Variants in HTR2C observed in about 807,000 individuals in gnomAD.
The protein encoded by HTR2C is 5-hydroxytryptamine (serotonin) receptor 2C, G protein-coupled.
Under a neutral mutation model 21.0 loss-of-function variants are expected in HTR2C, and 5 were observed. The observed-to-expected ratio is 0.24, with a 90% CI of 0.12 to 0.50. The LOEUF is 0.50. HTR2C is among the 20% of genes least tolerant of loss of function. The pLI is 0.98. For synonymous variants in HTR2C, 150 were observed against 145.3 expected (o/e 1.03, Z -0.23); for missense variants, 271 against 371.2 (o/e 0.73, Z 2.22).
chrX:114,803,272 G>T (rs1271119497), intron 4 of HTR2C, among the ~76,000 whole-genome samples: 1 of 51,076 alleles, frequency 2.0e-5, no homozygotes, highest in African/African-American at 5.5e-5. Context: ...GGGTCAAATG[G>T]CATTTCTAGT....
At chrX:114,610,637 G>C (rs1928684962) in intron 1 of HTR2C, among the ~76,000 whole-genome samples, 1 of 111,452 alleles carries the variant, frequency 9.0e-6, no homozygotes, top group Non-Finnish European at 1.9e-5. Context: ...TGTACGGCAA[G>C]GTTATGGTCA....
chrX:114,601,476 G>A (rs1363095293), intron 1 of HTR2C, among the ~76,000 whole-genome samples: 4 of 106,763 alleles, frequency 3.7e-5, no homozygotes, highest in Non-Finnish European at 3.9e-5. Context: ...AGTGGGGGTC[G>A]CAAGGTGCTC....
At chrX:114,893,842 A>G (rs782232804) in intron 5 of HTR2C, among the ~76,000 whole-genome samples, 1 of 112,391 alleles carries the variant, frequency 8.9e-6, no homozygotes, top group East Asian at 2.8e-4. Context: ...GCTCTTAAAA[A>G]TAAGTCAAAC....
At chrX:114,726,609 A>G (rs180893968) in intron 2 of HTR2C, among the ~76,000 whole-genome samples, 165 of 112,567 alleles carry the variant, frequency 1.5e-3, no homozygotes, top group Non-Finnish European at 2.3e-3. Flanking sequence ...AAGAGGGGGA[A>G]ATTTGGTATA....
At chrX:114,606,948 A>G (rs1928474906) in intron 1 of HTR2C, among the ~76,000 whole-genome samples, 1 of 108,823 alleles carries the variant, frequency 9.2e-6, no homozygotes, top group Non-Finnish European at 1.9e-5. Flanking sequence ...AGGTAAAGGA[A>G]AATTACAGTC....
Position 114,637,954 on chromosome X carries a change from C to CT in HTR2C, c.-80+24079dup, listed in dbSNP as rs1335339444. ...GAGACCTACAAGATGGTGGGTATGT[C>CT]TTTTTTCCCTGAGGAGCTATGAAAC... is the stretch of plus-strand genomic sequence containing the variant. On this transcript the variant is annotated intron_variant, in intron 2 of 5. Transcript: ENST00000276198. Among the ~76,000 whole-genome samples the CT allele has an allele frequency of 3.6e-5, 4 of 111,282 alleles. No homozygotes were observed. In the East Asian group the frequency reaches 1.1e-3, roughly 31 times the overall value.
At chrX:114,876,079 C>T (rs782047407) in intron 5 of HTR2C, among the ~76,000 whole-genome samples, 2 of 110,190 alleles carry the variant, frequency 1.8e-5, no homozygotes, top group Non-Finnish European at 3.8e-5. Context: ...ACTCCAATGT[C>T]TTTTGTCAAT....
intron 2 of HTR2C, among the ~76,000 whole-genome samples, chrX:114,672,488 G>A (rs782301713): frequency 8.9e-6 from 1 of 111,977 alleles, no homozygotes; most frequent in Non-Finnish European, 1.9e-5. Context: ...ATTTACTTAA[G>A]CTAAATTATT....
At chrX:114,747,691 T>A (rs781915764) in intron 4 of HTR2C, among the ~76,000 whole-genome samples, 2 of 112,559 alleles carry the variant, frequency 1.8e-5, no homozygotes, top group Non-Finnish European at 3.7e-5. Flanking sequence ...TCTTGCTCAT[T>A]CACTTTCTTG....
chrX:114,714,388 C>G (rs1569486386), intron 2 of HTR2C, among the ~76,000 whole-genome samples: 1 of 111,642 alleles, frequency 9.0e-6, no homozygotes, highest in Non-Finnish European at 1.9e-5. Context: ...CACCAATAAA[C>G]AATTTTGTTT....
intron 2 of HTR2C, among the ~76,000 whole-genome samples, chrX:114,702,583 C>T (rs1556417065): frequency 9.0e-6 from 1 of 111,487 alleles, no homozygotes; most frequent in Non-Finnish European, 1.9e-5. Flanking sequence ...AAAGGAACAA[C>T]CGGTACCAGC....
intron 4 of HTR2C, among the ~76,000 whole-genome samples, chrX:114,838,281 T>G (rs1266723219): frequency 2.7e-5 from 3 of 112,043 alleles, no homozygotes; most frequent in Non-Finnish European, 5.6e-5. Context: ...TGTTGAGGAA[T>G]TTTTAAACTT....
chrX:114,838,657 AT>A (rs1355398160), intron 4 of HTR2C, among the ~76,000 whole-genome samples: 1 of 111,421 alleles, frequency 9.0e-6, no homozygotes, highest in Non-Finnish European at 1.9e-5. Context: ...ACTATACACA[AT>A]TTTTTCCCCT....
intron 2 of HTR2C, among the ~76,000 whole-genome samples, chrX:114,672,077 A>G (rs1931398867): frequency 1.8e-5 from 2 of 111,984 alleles, no homozygotes; most frequent in African/African-American, 6.5e-5. Flanking sequence ...ATACAAGCAA[A>G]TAAATATAAA....
intron 5 of HTR2C, among the ~76,000 whole-genome samples, chrX:114,899,395 C>A (rs2071320367): frequency 9.0e-6 from 1 of 110,992 alleles, no homozygotes; most frequent in African/African-American, 3.3e-5. Flanking sequence ...GTTGCAGACA[C>A]CTTTGTTGGG....
chrX:114,866,015 C>T (rs948802389), intron 5 of HTR2C, among the ~76,000 whole-genome samples: 68 of 110,696 alleles, frequency 6.1e-4, no homozygotes, highest in Non-Finnish European at 1.2e-3. Context: ...CGGGATTTCA[C>T]CATATTGATC....
At chrX:114,728,111 C>A (rs1556422503) in intron 3 of HTR2C, among the ~76,000 whole-genome samples, 2 of 111,855 alleles carry the variant, frequency 1.8e-5, no homozygotes, top group African/African-American at 6.5e-5. Context: ...GGAAGAATTC[C>A]TGTCTTCTAA....
chrX:114,597,224 A>G (rs1220720064), intron 1 of HTR2C, among the ~76,000 whole-genome samples: 1 of 108,150 alleles, frequency 9.2e-6, no homozygotes, highest in Admixed American at 1.0e-4. Context: ...TCTCCAAAAA[A>G]AAAAAAAAAA....
chrX:114,585,505 G>A (rs1668361372), intron 1 of HTR2C, among the ~76,000 whole-genome samples: 1 of 111,490 alleles, frequency 9.0e-6, no homozygotes, highest in African/African-American at 3.3e-5. Flanking sequence ...AGCGTTCCTC[G>A]GAATTGCTAA....
Sources: allele counts gnomAD v4.1 joint callset (sites outside exome capture counted in the v4.1 genomes callset), GRCh38; gene constraint gnomAD v4.1.1; transcripts MANE v1.5; gene names NCBI Gene and HGNC (gene_info 2026-07-23, HGNC 2026-07-21).